Variants in CHIC2 observed in about 807,000 individuals in gnomAD.
CHIC2 encodes cysteine rich hydrophobic domain 2, also known as cysteine-rich hydrophobic domain-containing protein 2.
Under a neutral mutation model 25.9 loss-of-function variants are expected in CHIC2, and 14 were observed. The ratio of observed to expected loss-of-function variants is 0.54; its 90% confidence interval spans 0.36 to 0.85. The LOEUF is 0.85. Among genes scored for constraint, CHIC2 ranks in the 40% least tolerant of loss-of-function variants. The pLI, the probability that CHIC2 is intolerant of heterozygous loss-of-function variation, is 0.01. For synonymous variants in CHIC2, 70 were observed against 72.0 expected, an observed-to-expected ratio of 0.97 and a Z score of 0.14; for missense variants, 146 against 202.0, an observed-to-expected ratio of 0.72 and a Z score of 1.68.
intron 1 of CHIC2, among the ~76,000 whole-genome samples, chr4:54,049,589 C>T (rs1716940427): frequency 6.6e-6 from 1 of 152,126 alleles, no homozygotes; most frequent in South Asian, 2.1e-4. Flanking sequence ...ATTTGAGCTA[C>T]CAACTTTATA....
At chr4:54,072,799 G>A in the CHIC2 span, among the ~76,000 whole-genome samples, 7 of 152,154 alleles carry the variant, frequency 4.6e-5, no homozygotes, top group East Asian at 5.8e-4. Context: ...GCGTCTGGGC[G>A]TGGTGGCTCA....
intron 3 of CHIC2, among the ~76,000 whole-genome samples, chr4:54,022,114 C>A (rs34396019): frequency 0.27 from 40,740 of 151,952 alleles, 6,342 homozygotes; most frequent in Middle Eastern, 0.4. Flanking sequence ...CCAAGGAATG[C>A]CCTGCAGCCC....
At chr4:54,044,391 A>G (rs1422654417) in intron 3 of CHIC2, among the ~76,000 whole-genome samples, 1 of 152,234 alleles carries the variant, frequency 6.6e-6, no homozygotes, top group Non-Finnish European at 1.5e-5. Flanking sequence ...AACTGACCAC[A>G]TAGTTGGCAG....
intron 5 of CHIC2, 43 bp from the exon 6 acceptor site, chr4:54,010,188 AT>A: frequency 7.0e-7 from 1 of 1,436,012 alleles, no homozygotes; most frequent in Non-Finnish European, 9.6e-7. Context: ...TTTAAACAAA[AT>A]TTTTTCTTAA....
chr4:54,056,771 C>T (rs924741243), intron 1 of CHIC2, among the ~76,000 whole-genome samples: 2 of 152,148 alleles, frequency 1.3e-5, no homozygotes, highest in African/African-American at 4.8e-5. Context: ...TCAGCTCCTA[C>T]GGATGCAACT....
intron 3 of CHIC2, among the ~76,000 whole-genome samples, chr4:54,031,691 C>T (rs950994024): frequency 4.2e-5 from 6 of 143,932 alleles, no homozygotes; most frequent in African/African-American, 1.6e-4. Context: ...GCCATCTCGG[C>T]TCACTGCAAC....
chr4:54,061,247 G>A (rs1020215332), intron 1 of CHIC2: 4 of 152,086 alleles, frequency 2.6e-5, no homozygotes, highest in African/African-American at 9.7e-5. Context: ...GAGAATGGAA[G>A]GTAACTTTCT....
intron 3 of CHIC2, among the ~76,000 whole-genome samples, chr4:54,028,719 T>G (rs948609487): frequency 6.6e-6 from 1 of 152,256 alleles, no homozygotes; most frequent in Non-Finnish European, 1.5e-5. Context: ...AACACATATT[T>G]TCCATTTTAT....
Position 54,064,049 on chromosome 4 carries a change from T to C in CHIC2, c.119+133A>G. ...CCAAACAAATGAAAATAAGCCAAGT[T>C]CTCACTTCCTGGTTGCCTACTCTTT... On this transcript the variant is annotated intron_variant, in intron 1 of 5. Coordinates refer to ENST00000263921, the MANE Select transcript of CHIC2 (RefSeq NM_012110.4). This position sits in a 1 kb window ranked among gnomAD's most constrained non-coding sequence, Gnocchi z 4.2. 2.8e-6 allele frequency: 2 copies of C among 708,284 alleles called. No homozygotes were observed. Among genetic ancestry groups the C allele is most frequent in the African/African-American group, 1.8e-5 (1 of 55,566 alleles). The allele number at this position is 708,284 out of a possible 1,614,324, so 43.9% of individuals were successfully genotyped here.
At chr4:54,067,988 G>A (rs143557513), upstream of CHIC2, among the ~76,000 whole-genome samples, 355 of 151,438 alleles carry the variant, frequency 2.3e-3, 2 homozygotes, top group Non-Finnish European at 3.8e-3. Flanking sequence ...TGGAGCCTTT[G>A]GAGGTAATTA....
intron 3 of CHIC2, among the ~76,000 whole-genome samples, chr4:54,030,293 G>T (rs922713337): frequency 6.6e-6 from 1 of 152,066 alleles, no homozygotes; most frequent in Non-Finnish European, 1.5e-5. Flanking sequence ...CGAGGCTGGA[G>T]GATTGCTTGA....
chr4:54,085,648 T>A, the CHIC2 span, among the ~76,000 whole-genome samples: 1 of 152,228 alleles, frequency 6.6e-6, no homozygotes, highest in Non-Finnish European at 1.5e-5. Flanking sequence ...AACAAGAGGA[T>A]GTGGCCATTA....
intron 3 of CHIC2, among the ~76,000 whole-genome samples, chr4:54,032,943 T>C (rs973173510): frequency 2.0e-5 from 3 of 152,318 alleles, no homozygotes. Context: ...TGGGGGCAGA[T>C]AACTTCACAG....
intron 3 of CHIC2, among the ~76,000 whole-genome samples, chr4:54,048,409 C>T (rs932430131): frequency 9.9e-4 from 150 of 152,226 alleles, no homozygotes; most frequent in Admixed American, 9.7e-3. Flanking sequence ...AAAAGAATGT[C>T]CCATAATCTT....
the CHIC2 span, chr4:54,087,046 C>CAGCT: frequency 5.2e-6 from 6 of 1,148,210 alleles, no homozygotes; most frequent in Middle Eastern, 2.0e-4. Flanking sequence ...GGAAAGAAGG[C>CAGCT]AGCTGGTCCA....
the CHIC2 span, among the ~76,000 whole-genome samples, chr4:54,071,798 C>A: frequency 6.6e-6 from 1 of 151,370 alleles, no homozygotes; most frequent in Non-Finnish European, 1.5e-5. Flanking sequence ...CATGGTGAAA[C>A]CCTGTCTCTA....
At chr4:54,034,180 AG>A (rs1716313679) in intron 3 of CHIC2, among the ~76,000 whole-genome samples, 1 of 152,054 alleles carries the variant, frequency 6.6e-6, no homozygotes, top group African/African-American at 2.4e-5. Flanking sequence ...TGAGGTGGAC[AG>A]ATCACCTCAG....
chr4:54,090,996 G>C, the CHIC2 span, among the ~76,000 whole-genome samples: 5 of 151,976 alleles, frequency 3.3e-5, no homozygotes, highest in Non-Finnish European at 7.4e-5. Context: ...AAGCTATCTT[G>C]TTCTCACGGT....
chr4:54,064,728 G>GGCGGGCGC (rs1438700487), upstream of CHIC2: 38 of 902,822 alleles, frequency 4.2e-5, no homozygotes, highest in Non-Finnish European at 4.9e-5. The surrounding 1 kb of genome is among the most constrained non-coding windows in gnomAD (Gnocchi z 4.2). Flanking sequence ...CTGGCGGGCG[G>GGCGGGCGC]GCGGGCGCGC....
Sources: allele counts gnomAD v4.1 joint callset (sites outside exome capture counted in the v4.1 genomes callset), GRCh38; gene constraint gnomAD v4.1.1; non-coding constraint Gnocchi (gnomAD v3.1); transcripts MANE v1.5; gene names NCBI Gene and HGNC (gene_info 2026-07-23, HGNC 2026-07-21).